OR14J1: variants seen among roughly 807,000 people sequenced by gnomAD.
OR14J1 encodes the protein olfactory receptor 14J1.
For synonymous variants in OR14J1, 140 were observed against 146.7 expected, an observed-to-expected ratio of 0.95 and a Z score of 0.33; for missense variants, 378 against 393.4, an observed-to-expected ratio of 0.96 and a Z score of 0.33.
intron 1 of OR14J1, among the ~76,000 whole-genome samples, chr6:29,302,454 C>T (rs1353503164): frequency 6.6e-6 from 1 of 152,084 alleles, no homozygotes; most frequent in Non-Finnish European, 1.5e-5. Context: ...GCTGGGATTA[C>T]AGGTGTGAGC....
In OR14J1 at chr6:29,307,120, T is replaced by G. The variant is rs781401620; in HGVS notation, c.431T>G (p.Ile144Arg). The G allele has an allele frequency of 2.5e-6, 4 of 1,613,070 alleles. No homozygotes were observed. The highest frequency in any genetic ancestry group is 3.4e-6 in the Non-Finnish European group (4 of 1,180,022). The change falls in exon 2 of 2, where the codon ATA becomes AGA. Residue 144 changes from isoleucine to arginine, a missense_variant. By Grantham distance (97) the Ile-to-Arg change is moderately conservative. Coordinates refer to ENST00000641895, the MANE Select transcript of OR14J1 (RefSeq NM_030946.2). ...MDPRACRHAV[I>R]AVWIAGGLSG... ...CCCCGTGCCTGTAGGCATGCAGTGA[T>G]AGCTGTGTGGATTGCTGGGGGCCTC... is the stretch of plus-strand genomic sequence containing the variant.
Position 29,311,889 on chromosome 6 carries a change from T to C in OR14J1, c.*4234T>C, listed in dbSNP as rs1775539751. ...TCCATTTTTTCTAGATTTTCTAGTT[T>C]ATTTGCATAGAGATGTTTATAGTAT... is the stretch of plus-strand genomic sequence containing the variant. On this transcript the variant is annotated 3_prime_UTR_variant, in exon 2 of 2. Transcript: ENST00000641895. The C allele has an allele frequency of 6.6e-6, 1 of 152,250 alleles. No individual in the cohort carries two copies. 9.4% of individuals were successfully genotyped at this position (152,250 alleles called of 1,614,324 possible).
In OR14J1 at chr6:29,306,833, C is replaced by A; in HGVS notation, c.144C>A (p.Thr48=). The A allele has an allele frequency of 1.2e-6, 2 of 1,613,010 alleles. No individual in the cohort carries two copies. The highest frequency in any genetic ancestry group is 1.7e-6 in the Non-Finnish European group (2 of 1,179,974). The change falls in exon 2 of 2, where the codon ACC becomes ACA. Residue 48 remains threonine, a synonymous_variant. Transcript: ENST00000641895. ...ACCTCCTCATTATCACCATCATTAC[C>A]GTGGACCGTCGTCTCCATTCCCCCA... ...TGNLLIITII[T]VDRRLHSPMY...
At chr6:29,303,724 A>G (rs1053566448) in intron 1 of OR14J1, among the ~76,000 whole-genome samples, 2 of 149,242 alleles carry the variant, frequency 1.3e-5, no homozygotes, top group African/African-American at 5.0e-5. Context: ...CTATCTATCT[A>G]TCTATCTATC....
In OR14J1 at chr6:29,307,083, A is replaced by T. The variant is rs1250010407; in HGVS notation, c.394A>T (p.Thr132Ser). ...AATCTGTCAACCACTTCATTATGAG[A>T]CTATTATGGATCCCCGTGCCTGTAG... ...AAICQPLHYE[T>S]IMDPRACRHA... Residue 132 changes from threonine to serine, a missense_variant, in exon 2 of 2, where the codon ACT becomes TCT. By Grantham distance (58) the Thr-to-Ser change is moderately conservative. Coordinates refer to ENST00000641895, the MANE Select transcript of OR14J1 (RefSeq NM_030946.2). 7 of 1,612,996 alleles carry T rather than the reference A, an allele frequency of 4.3e-6. No individual in the cohort carries two copies. Among genetic ancestry groups the T allele is most frequent in the Non-Finnish European group, 5.1e-6 (6 of 1,180,024 alleles).
rs1774712155 is a variant in OR14J1, at chr6:29,301,780, C to G, written c.-36C>G. The G allele has an allele frequency of 6.6e-6, 1 of 152,146 alleles. No individual in the cohort carries two copies. The highest frequency in any genetic ancestry group is 1.5e-5 in the Non-Finnish European group (1 of 68,026). 9.4% of individuals were successfully genotyped at this position (152,146 alleles called of 1,614,324 possible). On this transcript the variant is annotated 5_prime_UTR_variant, in exon 1 of 2. It adds an upstream start codon to the 5' untranslated region. Coordinates refer to ENST00000641895, the MANE Select transcript of OR14J1 (RefSeq NM_030946.2). ...TTGAGATTTGTTTCTACCGAGAGAT[C>G]CACTCTGGTGAGTAAAACTTCTTCA...
At chr6:29,305,665 C>T (rs1183236600) in intron 1 of OR14J1, among the ~76,000 whole-genome samples, 1 of 151,862 alleles carries the variant, frequency 6.6e-6, no homozygotes, top group Non-Finnish European at 1.5e-5. Context: ...AATAATAGCA[C>T]ATTTAAAATG....
intron 1 of OR14J1, among the ~76,000 whole-genome samples, chr6:29,303,737 CT>C (rs1483442891): frequency 6.6e-6 from 1 of 150,970 alleles, no homozygotes; most frequent in East Asian, 1.9e-4. Context: ...TATCTATCAT[CT>C]ATCTATCTCT....
At position 29,306,885 on chromosome 6, in the gene OR14J1, C is replaced by T. The variant is rs1775130510; in HGVS notation, c.196C>T (p.Leu66Phe). ...PMYYFLKHLSLLDLCFISVTV... is the reference protein window; with the variant it reads ...PMYYFLKHLSFLDLCFISVTV... ...GTATTACTTTTTAAAGCACCTCTCT[C>T]TTCTGGACCTCTGCTTCATCTCTGT... Residue 66 changes from leucine to phenylalanine, a missense_variant, in exon 2 of 2, where the codon CTT becomes TTT. Transcript: ENST00000641895. 1.2e-6 allele frequency: 2 copies of T among 1,612,996 alleles called. No homozygotes were observed. Among genetic ancestry groups the T allele is most frequent in the Non-Finnish European group, 1.7e-6 (2 of 1,180,044 alleles).
In OR14J1 at chr6:29,309,930, A is replaced by C. The variant is rs1345374600; in HGVS notation, c.*2275A>C. On this transcript the variant is annotated 3_prime_UTR_variant, in exon 2 of 2. Transcript: ENST00000641895. ...TGGAGAATCCCAAAAGTGTCTGTTC[A>C]CATCCTTCGCCCACATTTTGATGGG... 3 of 152,250 alleles carry C rather than the reference A, an allele frequency of 2.0e-5. No homozygotes were observed. The highest frequency in any genetic ancestry group is 4.4e-5 in the Non-Finnish European group (3 of 68,072). The allele number at this position is 152,250 out of a possible 1,614,324, so 9.4% of individuals were successfully genotyped here. A position where few individuals can be genotyped will look rare whatever the true frequency, so the allele number is the denominator to read the frequency against.
intron 1 of OR14J1, among the ~76,000 whole-genome samples, chr6:29,304,111 A>T (rs1428957486): frequency 6.6e-6 from 1 of 152,168 alleles, no homozygotes; most frequent in Non-Finnish European, 1.5e-5. Flanking sequence ...TTAACATATA[A>T]TTACCTATGT....
At position 29,310,756 on chromosome 6, in the gene OR14J1, T is replaced by C. The variant is rs1252235155; in HGVS notation, c.*3101T>C. ...TCTTCCTACCCATGAGGATGGAATG[T>C]TTTTCCATTTGTTTGTGCCCTCTCT... On this transcript the variant is annotated 3_prime_UTR_variant, in exon 2 of 2. Coordinates refer to ENST00000641895, the MANE Select transcript of OR14J1 (RefSeq NM_030946.2). 1.3e-5 allele frequency: 2 copies of C among 152,212 alleles called. No individual in the cohort carries two copies. The highest frequency in any genetic ancestry group is 4.8e-5 in the African/African-American group (2 of 41,438). The allele number at this position is 152,212 out of a possible 1,614,324, so 9.4% of individuals were successfully genotyped here.
At position 29,304,606 on chromosome 6, in the gene OR14J1, A is replaced by T. The variant is rs369738639; in HGVS notation, c.-28-2056A>T. 1.4e-3 allele frequency among the ~76,000 whole-genome samples: 213 copies of T among 152,342 alleles called. 1 individual carries two copies. The highest frequency in any genetic ancestry group is 4.9e-3 in the African/African-American group (203 of 41,588). The stretch of plus-strand genomic sequence containing the variant: ...TTATTTGATAAGTGATGAATTAATC[A>T]ATACAATTTGGAACTAGTGAAATTA... On this transcript the variant is annotated intron_variant, in intron 1 of 1. Coordinates refer to ENST00000641895, the MANE Select transcript of OR14J1 (RefSeq NM_030946.2).
chr6:29,302,159 ATTTTTTTTCTT>A (rs767907303), intron 1 of OR14J1, among the ~76,000 whole-genome samples: 151 of 115,564 alleles, frequency 1.3e-3, no homozygotes, highest in African/African-American at 2.7e-3. Context: ...ATGAGGGGAG[ATTTTTTTTCTT>A]TTTTTTTTCT....
At position 29,310,403 on chromosome 6, in the gene OR14J1, G is replaced by A. The variant is rs1000811698; in HGVS notation, c.*2748G>A. ...CCCATTGCTTGTTTTTGTCAAGTTT[G>A]TCAAAGATCAGATGGTTGTAGATGT... On this transcript the variant is annotated 3_prime_UTR_variant, in exon 2 of 2. Coordinates refer to ENST00000641895, the MANE Select transcript of OR14J1 (RefSeq NM_030946.2). The A allele has an allele frequency of 6.6e-6, 1 of 152,152 alleles. No homozygotes were observed. The highest frequency in any genetic ancestry group is 2.4e-5 in the African/African-American group (1 of 41,436). 9.4% of individuals were successfully genotyped at this position (152,152 alleles called of 1,614,324 possible).
In OR14J1 at chr6:29,309,147, G is replaced by A. The variant is rs1230122987; in HGVS notation, c.*1492G>A. The A allele has an allele frequency of 6.6e-6, 1 of 152,180 alleles. No homozygotes were observed. The highest frequency in any genetic ancestry group is 1.9e-4 in the East Asian group (1 of 5,198). The allele number at this position is 152,180 out of a possible 1,614,324, so 9.4% of individuals were successfully genotyped here. A position where few individuals can be genotyped will look rare whatever the true frequency, so the allele number is the denominator to read the frequency against. ...TGTTTAGTTTTATGTTCTTGTGTTA[G>A]TTTGCTGAGAATGATGGTTTCCAGC... On this transcript the variant is annotated 3_prime_UTR_variant, in exon 2 of 2. Transcript: ENST00000641895.
rs577183538 is a variant in OR14J1, at chr6:29,303,691, T to C, written c.-29+1904T>C. On this transcript the variant is annotated intron_variant, in intron 1 of 1. Coordinates refer to ENST00000641895, the MANE Select transcript of OR14J1 (RefSeq NM_030946.2). ...AATGGATGAGTCTTAAGATTATCTC[T>C]ATCTATCTATCTATCTATCTATCTA... Among the ~76,000 whole-genome samples, 3 of 82,286 alleles carry C rather than the reference T, an allele frequency of 3.6e-5. No homozygotes were observed. In the East Asian group the frequency reaches 1.1e-3, roughly 31 times the overall value. 54.0% of individuals were successfully genotyped at this position (82,286 alleles called of 152,430 possible).
chr6:29,301,801 C>G lies in OR14J1; in HGVS notation c.-29+14C>G, dbSNP rs1013725204. The G allele has an allele frequency of 6.6e-6, 1 of 152,040 alleles. No homozygotes were observed. Among genetic ancestry groups the G allele is most frequent in the Non-Finnish European group, 1.5e-5 (1 of 68,002 alleles). 9.4% of individuals were successfully genotyped at this position (152,040 alleles called of 1,614,324 possible). ...AGATCCACTCTGGTGAGTAAAACTT[C>G]TTCAAATTTTATGGAATTTATCCAA... On this transcript the variant is annotated intron_variant, in intron 1 of 1. Transcript: ENST00000641895.
intron 1 of OR14J1, among the ~76,000 whole-genome samples, chr6:29,305,476 G>A (rs1462330267): frequency 6.6e-6 from 1 of 152,012 alleles, no homozygotes; most frequent in Non-Finnish European, 1.5e-5. Flanking sequence ...TTTGGTCAAG[G>A]GTGAAGAAAT....
Sources: allele counts gnomAD v4.1 joint callset (sites outside exome capture counted in the v4.1 genomes callset), GRCh38; gene constraint gnomAD v4.1.1; transcripts MANE v1.5; gene names NCBI Gene and HGNC (gene_info 2026-07-23, HGNC 2026-07-21).